FAF1: variants seen among roughly 807,000 people sequenced by gnomAD.
FAF1 encodes Fas associated factor 1.
A neutral mutation model predicts 92.5 loss-of-function variants in FAF1; 25 were observed. The ratio of observed to expected loss-of-function variants is 0.27; its 90% CI spans 0.20 to 0.38. FAF1 has a LOEUF of 0.38. FAF1 is among the 10% of genes least tolerant of loss of function. The pLI, the probability that FAF1 is intolerant of heterozygous loss-of-function variation, is 1.00. For missense variants in FAF1, 636 were observed against 793.3 expected (o/e 0.80, Z 2.38); for synonymous variants, 234 against 273.2 (o/e 0.86, Z 1.42).
At chr1:50,528,052 G>C (rs1647935138) in intron 15 of FAF1, among the ~76,000 whole-genome samples, 1 of 151,794 alleles carries the variant, frequency 6.6e-6, no homozygotes, top group South Asian at 2.1e-4. Context: ...ATTTTTTGTA[G>C]AGATGGGGTT....
chr1:50,772,658 A>G (rs1660815411), intron 4 of FAF1, among the ~76,000 whole-genome samples: 1 of 152,186 alleles, frequency 6.6e-6, no homozygotes, highest in Non-Finnish European at 1.5e-5. Flanking sequence ...CTGAGCATAC[A>G]TGGACACAAA....
chr1:50,920,681 C>T (rs1644955519), intron 1 of FAF1, among the ~76,000 whole-genome samples: 1 of 152,088 alleles, frequency 6.6e-6, no homozygotes, highest in Non-Finnish European at 1.5e-5. Flanking sequence ...TCTATATCAC[C>T]ATCTCACTAG....
intron 1 of FAF1, among the ~76,000 whole-genome samples, chr1:50,916,075 T>C (rs958021081): frequency 6.6e-6 from 1 of 152,106 alleles, no homozygotes; most frequent in African/African-American, 2.4e-5. Context: ...CAGTACATAC[T>C]CTTAAATGTG....
At chr1:50,872,900 G>GAA (rs376074043) in intron 1 of FAF1, among the ~76,000 whole-genome samples, 22 of 141,226 alleles carry the variant, frequency 1.6e-4, no homozygotes, top group African/African-American at 4.4e-4. Flanking sequence ...ACTCCGTCTG[G>GAA]AAAAAAAAAA....
chr1:50,654,898 G>GAT (rs1039747778), intron 8 of FAF1, among the ~76,000 whole-genome samples: 2 of 151,612 alleles, frequency 1.3e-5, no homozygotes, highest in Non-Finnish European at 2.9e-5. Flanking sequence ...CTTGGCTTGT[G>GAT]ATATCTGTTC....
intron 7 of FAF1, among the ~76,000 whole-genome samples, chr1:50,697,733 C>T (rs550544343): frequency 1.4e-4 from 22 of 152,202 alleles, no homozygotes; most frequent in African/African-American, 5.3e-4. Context: ...GCAAGGAATA[C>T]ATTTTGTCAT....
At chr1:50,527,416 C>T (rs1647865675) in intron 15 of FAF1, among the ~76,000 whole-genome samples, 1 of 152,166 alleles carries the variant, frequency 6.6e-6, no homozygotes, top group Admixed American at 6.5e-5. Flanking sequence ...TAATGATTTA[C>T]AGTAATTGTC....
intron 1 of FAF1, among the ~76,000 whole-genome samples, chr1:50,899,703 G>A (rs1381293789): frequency 5.3e-5 from 8 of 152,072 alleles, no homozygotes; most frequent in African/African-American, 1.9e-4. Flanking sequence ...CACCCACCTC[G>A]CCTCCCAAAG....
chr1:50,842,963 TA>T (rs918786764), intron 2 of FAF1, among the ~76,000 whole-genome samples: 4 of 152,206 alleles, frequency 2.6e-5, no homozygotes, highest in African/African-American at 4.8e-5. Flanking sequence ...CCCCTGTGCC[TA>T]AAACAGTGCT....
At chr1:50,537,856 T>A (rs1433059968) in intron 14 of FAF1, among the ~76,000 whole-genome samples, 1 of 152,166 alleles carries the variant, frequency 6.6e-6, no homozygotes, top group Non-Finnish European at 1.5e-5. Context: ...GGGACAAGTA[T>A]TTTCATAAAT....
intron 15 of FAF1, among the ~76,000 whole-genome samples, chr1:50,516,127 C>A (rs1055026016): frequency 2.0e-5 from 3 of 152,164 alleles, no homozygotes; most frequent in African/African-American, 7.2e-5. Flanking sequence ...CAAGATTATA[C>A]AGCTGCTAGG....
chr1:50,933,301 C>A (rs747291600), intron 1 of FAF1, among the ~76,000 whole-genome samples: 5 of 152,220 alleles, frequency 3.3e-5, no homozygotes, highest in Admixed American at 1.3e-4. Flanking sequence ...GTACCCAAGT[C>A]ACCTTTTGAA....
chr1:50,746,292 ATTTTTTTTTT>A (rs1165741663), intron 4 of FAF1, among the ~76,000 whole-genome samples: 30 of 22,656 alleles, frequency 1.3e-3, no homozygotes, highest in South Asian at 6.5e-3. Context: ...ATATATATAT[ATTTTTTTTTT>A]TTTTTTTTTT....
At position 50,649,566 on chromosome 1, in the gene FAF1, C is replaced by T. The variant is rs564428716; in HGVS notation, c.744+5876G>A. Among the ~76,000 whole-genome samples, 23 of 152,252 alleles carry T rather than the reference C, an allele frequency of 1.5e-4. No individual in the cohort carries two copies. In the South Asian group the frequency reaches 2.3e-3, roughly 15 times the overall value. ...TGAATCCTAACACACGCCCAAAGAG[C>T]TTTGATTCTAAAATTCCTAGTTTCT... On this transcript the variant is annotated intron_variant, in intron 8 of 18. Transcript: ENST00000396153.
At chr1:50,915,248 TAATC>T (rs1557587669) in intron 1 of FAF1, among the ~76,000 whole-genome samples, 1 of 151,798 alleles carries the variant, frequency 6.6e-6, no homozygotes, top group Non-Finnish European at 1.5e-5. Context: ...TACATGCCTG[TAATC>T]CCGGCTACTT....
At chr1:50,901,456 GA>G (rs1361842088) in intron 1 of FAF1, among the ~76,000 whole-genome samples, 1 of 152,108 alleles carries the variant, frequency 6.6e-6, no homozygotes, top group Non-Finnish European at 1.5e-5. Flanking sequence ...AGCACTTTGG[GA>G]GGCCAAGGTG....
chr1:50,530,773 A>G (rs556406647), intron 15 of FAF1, among the ~76,000 whole-genome samples: 29 of 152,284 alleles, frequency 1.9e-4, no homozygotes, highest in African/African-American at 6.7e-4. Context: ...CCTACTGTGT[A>G]CCCAAAAAAT....
At chr1:50,855,906 T>C (rs1644387632) in intron 2 of FAF1, among the ~76,000 whole-genome samples, 1 of 151,842 alleles carries the variant, frequency 6.6e-6, no homozygotes, top group African/African-American at 2.4e-5. Flanking sequence ...ATAACACCAG[T>C]GTTTTAACCC....
chr1:50,596,870 C>G (rs1651846077), intron 8 of FAF1, among the ~76,000 whole-genome samples: 1 of 152,134 alleles, frequency 6.6e-6, no homozygotes. Flanking sequence ...ATGATTATTC[C>G]TAGAGCTCTG....
Sources: gnomAD v4.1 joint callset for allele counts (sites outside exome capture counted in the v4.1 genomes callset) on GRCh38, gnomAD v4.1.1 for gene constraint, MANE v1.5 for transcripts, NCBI Gene and HGNC (gene_info 2026-07-23, HGNC 2026-07-21) for gene names.